The following CORIN variants were observed in gnomAD, a reference collection of about 807,000 sequenced individuals.
CORIN encodes corin, serine peptidase, also known as atrial natriuretic peptide-converting enzyme.
Under a neutral mutation model 125.3 loss-of-function variants are expected in CORIN, and 117 were observed. The ratio of observed to expected loss-of-function variants is 0.93; its 90% CI spans 0.80 to 1.09. CORIN has a LOEUF of 1.09. CORIN is among the 50% of genes least tolerant of loss of function. The pLI, the probability that CORIN is intolerant of heterozygous loss-of-function variation, is 0.00. For missense variants in CORIN, 1,253 were observed against 1,306.7 expected, an observed-to-expected ratio of 0.96 and a Z score of 0.63; for synonymous variants, 450 against 466.4, an observed-to-expected ratio of 0.96 and a Z score of 0.45.
intron 5 of CORIN, among the ~76,000 whole-genome samples, chr4:47,731,531 T>G (rs1015372524): frequency 3.3e-5 from 5 of 151,930 alleles, no homozygotes; most frequent in Admixed American, 3.3e-4. Context: ...AAAACCCAAT[T>G]GGAAGTCAGG....
intron 4 of CORIN, among the ~76,000 whole-genome samples, chr4:47,754,167 T>C (rs1214157252): frequency 6.6e-6 from 1 of 152,360 alleles, no homozygotes; most frequent in East Asian, 1.9e-4. Context: ...ATGAAAGTAA[T>C]TGGAATTATA....
chr4:47,763,437 T>C lies in CORIN; in HGVS notation c.559A>G (p.Ile187Val), dbSNP rs747509936. The change falls in exon 4 of 22, where the codon ATC becomes GTC. Residue 187 changes from isoleucine to valine, a missense_variant. Ile to Val is a conservative substitution (Grantham distance 29). Transcript: ENST00000273857. ...GCGAGGGTACAGCCAAACAGCATGA[T>C]ATGTTGATAGCAACTGAGGCGATGG... Reference protein sequence around the residue: ...YLHRLSCYQHIMLFGCTLAFP... With the variant: ...YLHRLSCYQHVMLFGCTLAFP... The C allele has an allele frequency of 3.7e-6, 6 of 1,614,018 alleles. No homozygotes were observed. In the African/African-American group the frequency reaches 6.7e-5, roughly 18 times the overall value.
At chr4:47,771,007 T>C (rs564163637) in intron 3 of CORIN, among the ~76,000 whole-genome samples, 1 of 152,140 alleles carries the variant, frequency 6.6e-6, no homozygotes, top group East Asian at 1.9e-4. Flanking sequence ...ACTTTGAAAA[T>C]TGCTAAGAAA....
chr4:47,653,977 C>A (rs1010565119), intron 12 of CORIN, among the ~76,000 whole-genome samples: 2 of 152,238 alleles, frequency 1.3e-5, no homozygotes, highest in African/African-American at 4.8e-5. Context: ...GACTACCTAG[C>A]GGCTCTCAAT....
chr4:47,806,119 T>C (rs1235907118), intron 2 of CORIN, among the ~76,000 whole-genome samples: 1 of 152,196 alleles, frequency 6.6e-6, no homozygotes, highest in East Asian at 1.9e-4. Context: ...AAAAATGTGG[T>C]ATGTAATATT....
intron 17 of CORIN, among the ~76,000 whole-genome samples, 194 bp from the exon 18 acceptor site, chr4:47,624,142 A>G (rs559412266): frequency 6.6e-6 from 1 of 152,308 alleles, no homozygotes; most frequent in Admixed American, 6.5e-5. Flanking sequence ...GTGTGGTCAG[A>G]TATTAATCAT....
chr4:47,653,516 C>T, intron 13 of CORIN, 37 bp downstream of exon 13: 3 of 1,482,348 alleles, frequency 2.0e-6, no homozygotes, highest in Non-Finnish European at 2.8e-6. Flanking sequence ...CTAGTTATCA[C>T]TGTACATTCA....
chr4:47,811,768 C>T (rs1212990475), intron 1 of CORIN, among the ~76,000 whole-genome samples: 1 of 152,170 alleles, frequency 6.6e-6, no homozygotes, highest in East Asian at 1.9e-4. Flanking sequence ...AAACTCAGCA[C>T]ACCTAGTATT....
intron 5 of CORIN, among the ~76,000 whole-genome samples, chr4:47,712,229 A>G (rs1726877363): frequency 6.6e-6 from 1 of 152,120 alleles, no homozygotes; most frequent in African/African-American, 2.4e-5. Context: ...TAGTCATAAT[A>G]TGACACATTA....
intron 16 of CORIN, among the ~76,000 whole-genome samples, chr4:47,629,194 C>A (rs919580051): frequency 6.6e-6 from 1 of 152,102 alleles, no homozygotes; most frequent in African/African-American, 2.4e-5. Context: ...CCACTTCTCC[C>A]CAACATTTTT....
chr4:47,770,715 T>C (rs1729987851), intron 3 of CORIN, among the ~76,000 whole-genome samples: 1 of 152,144 alleles, frequency 6.6e-6, no homozygotes, highest in Non-Finnish European at 1.5e-5. Context: ...GGAAATCTTG[T>C]CATTTATGAC....
intron 13 of CORIN, chr4:47,652,596 G>A (rs1056991520): frequency 6.6e-6 from 1 of 152,112 alleles, no homozygotes; most frequent in Non-Finnish European, 1.5e-5. Flanking sequence ...AATACATTGT[G>A]GTTACAAGTA....
chr4:47,787,677 T>G (rs1560549132), intron 2 of CORIN, among the ~76,000 whole-genome samples: 1 of 152,242 alleles, frequency 6.6e-6, no homozygotes, highest in Admixed American at 6.5e-5. Flanking sequence ...AACGAGTAAG[T>G]TCCTTAGTGG....
At chr4:47,667,624 C>T (rs958869310) in intron 10 of CORIN, among the ~76,000 whole-genome samples, 3 of 151,908 alleles carry the variant, frequency 2.0e-5, no homozygotes, top group African/African-American at 4.8e-5. Flanking sequence ...CCGAGGATAT[C>T]ACAGATATTA....
intron 10 of CORIN, among the ~76,000 whole-genome samples, chr4:47,673,226 A>G (rs1004564294): frequency 3.5e-5 from 5 of 141,550 alleles, no homozygotes; most frequent in Non-Finnish European, 4.6e-5. Context: ...AAATAAATAA[A>G]TTAGCTGGGT....
At chr4:47,661,246 A>C (rs937077093) in intron 12 of CORIN, among the ~76,000 whole-genome samples, 2 of 152,200 alleles carry the variant, frequency 1.3e-5, no homozygotes, top group African/African-American at 4.8e-5. Flanking sequence ...GATAGAATGA[A>C]TAAGATCTAG....
intron 19 of CORIN, among the ~76,000 whole-genome samples, chr4:47,614,855 A>G (rs144064115): frequency 1.0e-3 from 152 of 152,324 alleles, no homozygotes; most frequent in Non-Finnish European, 1.6e-3. Context: ...ATGTCTTCAT[A>G]GAGTTTTCAT....
chr4:47,704,249 T>TA lies in CORIN; in HGVS notation c.800-11167dup, dbSNP rs1275712637. On this transcript the variant is annotated intron_variant, in intron 5 of 21. Coordinates refer to ENST00000273857, the MANE Select transcript of CORIN (RefSeq NM_006587.4). ...AAAAAAAATTAACCTTGCGTAAAACTAAATACAAGCACAATTTAATTAACT... is the reference window on the plus strand; with the variant it reads ...AAAAAAAATTAACCTTGCGTAAAACTAAAATACAAGCACAATTTAATTAACT... Among the ~76,000 whole-genome samples the TA allele has an allele frequency of 2.0e-5, 3 of 152,228 alleles. No homozygotes were observed. In the East Asian group the frequency reaches 5.8e-4, roughly 29 times the overall value.
At chr4:47,647,018 A>G (rs1723521808) in intron 13 of CORIN, among the ~76,000 whole-genome samples, 1 of 152,250 alleles carries the variant, frequency 6.6e-6, no homozygotes, top group Non-Finnish European at 1.5e-5. Flanking sequence ...CCAAAGATAT[A>G]GGAAATAAAT....
Sources: allele counts gnomAD v4.1 joint callset (sites outside exome capture counted in the v4.1 genomes callset), GRCh38; gene constraint gnomAD v4.1.1; transcripts MANE v1.5; gene names NCBI Gene and HGNC (gene_info 2026-07-23, HGNC 2026-07-21).